Variants in TCF12 observed in about 807,000 individuals in gnomAD.
The protein encoded by TCF12 is DNA-binding protein HTF4.
A neutral mutation model predicts 86.0 loss-of-function variants in TCF12; 45 were observed. The observed-to-expected ratio is 0.52, with a 90% CI of 0.41 to 0.67. The LOEUF is 0.67. Among genes scored for constraint, TCF12 ranks in the 30% least tolerant of loss-of-function variants. TCF12 has a pLI of 0.00. For synonymous variants in TCF12, 330 were observed against 299.6 expected (o/e 1.10, Z -1.05); for missense variants, 881 against 859.9 (o/e 1.02, Z -0.31).
At chr15:57,283,713 T>C (rs2061802004) in intron 20 of TCF12, among the ~76,000 whole-genome samples, 1 of 152,232 alleles carries the variant, frequency 6.6e-6, no homozygotes, top group Non-Finnish European at 1.5e-5. Context: ...GTCAGTTTCG[T>C]GGCTGTCTCA....
At chr15:56,935,233 T>G (rs2060416464) in intron 3 of TCF12, among the ~76,000 whole-genome samples, 1 of 152,178 alleles carries the variant, frequency 6.6e-6, no homozygotes, top group Admixed American at 6.5e-5. Flanking sequence ...TTTTCCAATC[T>G]GTCTTAGTCT....
intron 3 of TCF12, among the ~76,000 whole-genome samples, chr15:57,040,555 A>C (rs1203288131): frequency 3.3e-5 from 5 of 152,200 alleles, no homozygotes; most frequent in African/African-American, 9.7e-5. Context: ...GAAGAGCTCA[A>C]CCTTCAAACG....
chr15:57,022,230 C>G (rs970299227), intron 3 of TCF12, among the ~76,000 whole-genome samples: 105 of 152,116 alleles, frequency 6.9e-4, no homozygotes, highest in African/African-American at 2.4e-3. Context: ...TCCCCACCCC[C>G]CGATAGGTCC....
intron 3 of TCF12, among the ~76,000 whole-genome samples, chr15:57,031,346 G>A (rs2066168963): frequency 6.7e-6 from 1 of 148,628 alleles, no homozygotes; most frequent in Non-Finnish European, 1.5e-5. Flanking sequence ...TTGTGGCCAG[G>A]AGCTTGGCTA....
intron 3 of TCF12, among the ~76,000 whole-genome samples, chr15:57,024,216 C>CTTTTTTTTTTTTTTT (rs59793819): frequency 9.0e-6 from 1 of 111,300 alleles, no homozygotes; most frequent in African/African-American, 3.1e-5. Flanking sequence ...AAAAAAGTGT[C>CTTTTTTTTTTTTTTT]TTTTTTTTTT....
At chr15:57,072,818 A>G (rs1479721498) in intron 4 of TCF12, 2 of 717,480 alleles carry the variant, frequency 2.8e-6, no homozygotes, top group Non-Finnish European at 3.8e-6. Flanking sequence ...TATGAGTAAG[A>G]AAAAGGGTGT....
chr15:57,037,504 TAGA>T (rs2066586920), intron 3 of TCF12, among the ~76,000 whole-genome samples: 3 of 152,160 alleles, frequency 2.0e-5, no homozygotes, highest in Admixed American at 1.3e-4. Context: ...AAGTGCACAG[TAGA>T]AGATCAAGAG....
chr15:57,076,178 A>C (rs1268662266), intron 4 of TCF12, among the ~76,000 whole-genome samples: 1 of 152,032 alleles, frequency 6.6e-6, no homozygotes, highest in Non-Finnish European at 1.5e-5. Flanking sequence ...TCTAATGTGT[A>C]AAACAAAAAT....
chr15:56,954,457 C>T (rs2061416241), intron 3 of TCF12, among the ~76,000 whole-genome samples: 1 of 152,116 alleles, frequency 6.6e-6, no homozygotes, highest in Admixed American at 6.5e-5. Context: ...AGACCTAAAA[C>T]CATAAAAATC....
At chr15:57,250,585 T>C (rs1366405696) in intron 13 of TCF12, among the ~76,000 whole-genome samples, 2 of 151,918 alleles carry the variant, frequency 1.3e-5, no homozygotes, top group African/African-American at 2.4e-5. Context: ...AAAAATTAGC[T>C]TGGCGTGGTG....
chr15:57,219,707 A>T, intron 8 of TCF12: 34 of 581,540 alleles, frequency 5.8e-5, no homozygotes, highest in Middle Eastern at 3.8e-4. Context: ...GCAATGTATT[A>T]GATTGTAGAT....
At chr15:56,977,247 A>C (rs1390257169) in intron 3 of TCF12, among the ~76,000 whole-genome samples, 1 of 152,118 alleles carries the variant, frequency 6.6e-6, no homozygotes, top group South Asian at 2.1e-4. Flanking sequence ...TTTTTTAAAT[A>C]AAAGGCCAGG....
intron 3 of TCF12, among the ~76,000 whole-genome samples, chr15:56,991,163 T>C (rs1475759891): frequency 6.6e-6 from 1 of 152,182 alleles, no homozygotes; most frequent in East Asian, 1.9e-4. Context: ...TACGTAAATG[T>C]GTCATGTAAT....
chr15:57,161,085 C>G (rs2054476136), intron 5 of TCF12, among the ~76,000 whole-genome samples: 1 of 152,136 alleles, frequency 6.6e-6, no homozygotes, highest in South Asian at 2.1e-4. Context: ...ATTCTTCTGT[C>G]CAGTCAATGT....
upstream of TCF12, chr15:56,918,270 G>A (rs2059592378): frequency 2.2e-6 from 1 of 456,268 alleles, no homozygotes. Flanking sequence ...GACCTGGGCA[G>A]CGGATCCAGA....
intron 16 of TCF12, among the ~76,000 whole-genome samples, chr15:57,259,372 A>G (rs1366886854): frequency 6.6e-6 from 1 of 152,216 alleles, no homozygotes; most frequent in Non-Finnish European, 1.5e-5. Flanking sequence ...TATTCAGTGA[A>G]TGGTACAAAT....
intron 3 of TCF12, among the ~76,000 whole-genome samples, chr15:56,977,666 G>T (rs1211568984): frequency 6.6e-6 from 1 of 152,098 alleles, no homozygotes; most frequent in African/African-American, 2.4e-5. Context: ...TTTGAATCCA[G>T]TATTTTTGAG....
intron 3 of TCF12, among the ~76,000 whole-genome samples, chr15:56,994,812 A>G (rs2140994693): frequency 6.6e-6 from 1 of 152,280 alleles, no homozygotes; most frequent in African/African-American, 2.4e-5. Flanking sequence ...AAGAATTGCT[A>G]AAAGATGTTC....
At chr15:56,999,114 C>T (rs1479967993) in intron 3 of TCF12, among the ~76,000 whole-genome samples, 2 of 150,444 alleles carry the variant, frequency 1.3e-5, no homozygotes, top group African/African-American at 2.4e-5. Flanking sequence ...AGGAGAATGG[C>T]GTGAACCCGG....
Sources: gnomAD v4.1 joint callset for allele counts (sites outside exome capture counted in the v4.1 genomes callset) on GRCh38, gnomAD v4.1.1 for gene constraint, MANE v1.5 for transcripts, NCBI Gene and HGNC (gene_info 2026-07-23, HGNC 2026-07-21) for gene names.